The following TENM4 variants were observed in gnomAD, a reference collection of about 807,000 sequenced individuals.
TENM4 encodes teneurin-4.
In TENM4, 82 loss-of-function variants were observed where a neutral mutation model predicts 243.3. The ratio of observed to expected loss-of-function variants is 0.34; its 90% confidence interval spans 0.28 to 0.40. The LOEUF (loss-of-function observed/expected upper bound fraction) is 0.40. Among genes scored for constraint, TENM4 ranks in the 10% least tolerant of loss-of-function variants. TENM4 has a pLI of 1.00. For missense variants in TENM4, 3,138 were observed against 3,673.3 expected (o/e 0.85, Z 3.77); for synonymous variants, 1,412 against 1,456.3 (o/e 0.97, Z 0.69).
chr11:78,873,740 C>A (rs753106536), intron 9 of TENM4, among the ~76,000 whole-genome samples: 1 of 152,168 alleles, frequency 6.6e-6, no homozygotes, highest in Admixed American at 6.5e-5. Flanking sequence ...CTCTTCAGAA[C>A]AGAAAGGATG....
chr11:78,851,691 T>C (rs1326428874), intron 12 of TENM4, among the ~76,000 whole-genome samples: 2 of 152,074 alleles, frequency 1.3e-5, no homozygotes, highest in Non-Finnish European at 1.5e-5. Context: ...CCCTAAACTG[T>C]CGTCATCCTA....
intron 1 of TENM4, among the ~76,000 whole-genome samples, chr11:79,349,984 T>C (rs1857388410): frequency 6.6e-6 from 1 of 152,150 alleles, no homozygotes; most frequent in South Asian, 2.1e-4. Context: ...AGTTCTCGTG[T>C]CCCATTCTAT....
chr11:79,141,002 G>T (rs933092689), intron 4 of TENM4, among the ~76,000 whole-genome samples: 1 of 152,042 alleles, frequency 6.6e-6, no homozygotes, highest in African/African-American at 2.4e-5. Flanking sequence ...GTACCAGGTT[G>T]CCTCCCTGAG....
intron 6 of TENM4, 46 bp from the exon 7 acceptor site, chr11:78,903,569 C>A (rs1187869273): frequency 1.3e-6 from 2 of 1,538,838 alleles, no homozygotes; most frequent in South Asian, 1.2e-5. Flanking sequence ...TTGGTGCTGC[C>A]CCTCGGCTGG....
At chr11:78,755,712 CCT>C (rs1856290409) in intron 19 of TENM4, among the ~76,000 whole-genome samples, 1 of 152,146 alleles carries the variant, frequency 6.6e-6, no homozygotes, top group Non-Finnish European at 1.5e-5. Context: ...GCGGGAGACT[CCT>C]CTCTGCAGCA....
intron 3 of TENM4, among the ~76,000 whole-genome samples, chr11:79,149,689 G>A (rs982675260): frequency 1.3e-5 from 2 of 152,134 alleles, no homozygotes; most frequent in Admixed American, 6.5e-5. Context: ...ACTTTCGTGA[G>A]TGTTTTATAT....
chr11:79,077,599 T>G (rs1860564195), intron 4 of TENM4, among the ~76,000 whole-genome samples: 1 of 152,168 alleles, frequency 6.6e-6, no homozygotes, highest in South Asian at 2.1e-4. Flanking sequence ...ACTAGAATTA[T>G]GAATGAGATG....
chr11:78,660,200 G>T (rs146095645), intron 33 of TENM4, among the ~76,000 whole-genome samples: 1 of 152,170 alleles, frequency 6.6e-6, no homozygotes, highest in African/African-American at 2.4e-5. Context: ...GGAGAGGCTG[G>T]GCAGCAGAAA....
chr11:78,670,498 C>T lies in TENM4; in HGVS notation c.5847G>A (p.Lys1949=), dbSNP rs766134120. The T allele has an allele frequency of 6.8e-6, 11 of 1,613,336 alleles. No homozygotes were observed. The highest frequency in any genetic ancestry group is 9.3e-6 in the Non-Finnish European group (11 of 1,179,752). Residue 1949 remains lysine, a synonymous_variant, in exon 32 of 34, where the codon AAG becomes AAA. Transcript: ENST00000278550. ...TCGTCACAGAAGAGAGGCGGTCATT[C>T]TTGTCGAACTCAAAGATATACTGCC... is the stretch of plus-strand genomic sequence containing the variant. ...SQRQYIFEFD[K]NDRLSSVTMP...
At chr11:79,201,062 G>A (rs554639463) in intron 3 of TENM4, among the ~76,000 whole-genome samples, 65 of 152,340 alleles carry the variant, frequency 4.3e-4, no homozygotes, top group African/African-American at 1.2e-3. Flanking sequence ...AACTGGTACA[G>A]CGGGGCCCAT....
intron 6 of TENM4, among the ~76,000 whole-genome samples, chr11:79,013,847 C>A (rs1244417516): frequency 6.6e-6 from 1 of 152,186 alleles, no homozygotes; most frequent in African/African-American, 2.4e-5. Context: ...GAGCCCAGGC[C>A]CCCGCAGTGG....
chr11:79,228,112 G>A (rs1241669187), intron 2 of TENM4, among the ~76,000 whole-genome samples: 16 of 152,146 alleles, frequency 1.1e-4, no homozygotes, highest in Admixed American at 1.0e-3. Context: ...TAAACAGACC[G>A]ACACAGGCCG....
chr11:78,823,040 C>G (rs522672), intron 12 of TENM4, among the ~76,000 whole-genome samples: 71,735 of 152,090 alleles, frequency 0.47, 17,826 homozygotes, highest in Middle Eastern at 0.59. Context: ...ATGCCAGTGC[C>G]ACACTCTGGG....
intron 3 of TENM4, among the ~76,000 whole-genome samples, chr11:79,154,740 C>T (rs1220602175): frequency 3.3e-5 from 5 of 152,108 alleles, no homozygotes; most frequent in Non-Finnish European, 5.9e-5. Flanking sequence ...GGAGTTTCCT[C>T]TACTCTACAT....
At chr11:79,313,093 T>C (rs552384733) in intron 1 of TENM4, among the ~76,000 whole-genome samples, 23 of 152,304 alleles carry the variant, frequency 1.5e-4, no homozygotes, top group African/African-American at 5.3e-4. Flanking sequence ...AGGAAGTAGA[T>C]CTTGCATCAT....
intron 32 of TENM4, among the ~76,000 whole-genome samples, chr11:78,662,804 T>C (rs1437292469): frequency 6.6e-6 from 1 of 152,138 alleles, no homozygotes; most frequent in Non-Finnish European, 1.5e-5. Context: ...ATAACATTGA[T>C]ACAAGGAAAA....
chr11:78,869,775 C>T (rs575744156), intron 9 of TENM4, among the ~76,000 whole-genome samples: 1 of 152,302 alleles, frequency 6.6e-6, no homozygotes, highest in East Asian at 1.9e-4. Flanking sequence ...GCACATCACA[C>T]TGGTGATGAG....
chr11:79,074,239 T>C (rs376248026), intron 4 of TENM4, among the ~76,000 whole-genome samples: 11 of 152,142 alleles, frequency 7.2e-5, no homozygotes, highest in African/African-American at 2.7e-4. Flanking sequence ...CACACTCAAA[T>C]TGGCATTTAA....
intron 6 of TENM4, among the ~76,000 whole-genome samples, chr11:79,029,750 G>A (rs1412023072): frequency 5.3e-5 from 8 of 152,140 alleles, no homozygotes; most frequent in Non-Finnish European, 1.0e-4. Context: ...GGCATAAAAC[G>A]GGACAAGAGT....
Sources: allele counts gnomAD v4.1 joint callset (sites outside exome capture counted in the v4.1 genomes callset), GRCh38; gene constraint gnomAD v4.1.1; transcripts MANE v1.5; gene names NCBI Gene and HGNC (gene_info 2026-07-23, HGNC 2026-07-21).